Variants in PARD3 observed in about 807,000 individuals in gnomAD.
The protein encoded by PARD3 is partitioning defective 3 homolog.
In PARD3, 75 loss-of-function variants were observed where a neutral mutation model predicts 155.4. The ratio of observed to expected loss-of-function variants is 0.48; its 90% confidence interval spans 0.40 to 0.58. PARD3 has a LOEUF of 0.58. Ranked by LOEUF, PARD3 falls within the 20% of genes least tolerant of loss-of-function variation. The probability of loss-of-function intolerance (pLI) is 0.00; values close to 1 mark genes in which losing one functional copy is unlikely to be tolerated. For synonymous variants in PARD3, 576 were observed against 610.5 expected (o/e 0.94, Z 0.83); for missense variants, 1,642 against 1,721.7 (o/e 0.95, Z 0.82).
chr10:34,345,387 C>T, intron 15 of PARD3: 1 of 985,300 alleles, frequency 1.0e-6, no homozygotes, highest in African/African-American at 1.7e-5. Context: ...GAAAATTCAA[C>T]CTGTTAACAT....
chr10:34,325,849 G>C (rs1265949502), intron 19 of PARD3, among the ~76,000 whole-genome samples: 1 of 151,928 alleles, frequency 6.6e-6, no homozygotes, highest in Non-Finnish European at 1.5e-5. Flanking sequence ...GGGGCCTGGT[G>C]CGGTGGCTCA....
chr10:34,657,712 TA>T (rs1336237882), intron 2 of PARD3, among the ~76,000 whole-genome samples: 1 of 152,058 alleles, frequency 6.6e-6, no homozygotes, highest in Non-Finnish European at 1.5e-5. Context: ...CTAATTTTTG[TA>T]TTTTTAGTAG....
At chr10:34,307,461 G>C (rs568740984) in intron 20 of PARD3, among the ~76,000 whole-genome samples, 2 of 152,268 alleles carry the variant, frequency 1.3e-5, no homozygotes, top group East Asian at 1.9e-4. Context: ...GAATCCCCAG[G>C]GTTGTTAAGC....
intron 5 of PARD3, among the ~76,000 whole-genome samples, chr10:34,416,246 CAG>C (rs1369625727): frequency 1.3e-5 from 2 of 152,112 alleles, no homozygotes; most frequent in African/African-American, 4.8e-5. Context: ...AGGGAAGGAG[CAG>C]AGAGAGCCCC....
intron 20 of PARD3, among the ~76,000 whole-genome samples, chr10:34,285,779 G>C (rs1956358782): frequency 3.3e-5 from 5 of 152,194 alleles, no homozygotes; most frequent in Admixed American, 3.3e-4. Flanking sequence ...CACTATGTTT[G>C]AAAGGGGTCT....
chr10:34,637,078 T>C (rs1413371116), intron 2 of PARD3, among the ~76,000 whole-genome samples: 1 of 152,212 alleles, frequency 6.6e-6, no homozygotes, highest in Non-Finnish European at 1.5e-5. Context: ...AATTATACCC[T>C]ATTGCAAGGA....
intron 5 of PARD3, among the ~76,000 whole-genome samples, chr10:34,448,012 A>G (rs1219244403): frequency 6.6e-6 from 1 of 152,178 alleles, no homozygotes; most frequent in East Asian, 1.9e-4. Context: ...TAAAATCACT[A>G]TATCAAAGAC....
chr10:34,333,770 C>T (rs1306908786), intron 18 of PARD3, among the ~76,000 whole-genome samples: 1 of 151,958 alleles, frequency 6.6e-6, no homozygotes, highest in Non-Finnish European at 1.5e-5. Flanking sequence ...AAAATATTTA[C>T]CATCTGTTCC....
At position 34,224,853 on chromosome 10, in the gene PARD3, C is replaced by T. The variant is rs188016838; in HGVS notation, c.3419+44804G>A. 2.4e-4 allele frequency among the ~76,000 whole-genome samples: 36 copies of T among 152,266 alleles called. No individual in the cohort carries two copies. The East Asian group carries it at 6.6e-3, about 28-fold the overall frequency. On this transcript the variant is annotated intron_variant, in intron 22 of 24. Coordinates refer to ENST00000374788, the MANE Select transcript of PARD3 (RefSeq NM_001184785.2). ...TGTTCAAGTTCCATCAAATCAGTGTCCCTTTTTATATGTCTATCTCAAAAA... is the reference window on the plus strand; with the variant it reads ...TGTTCAAGTTCCATCAAATCAGTGTTCCTTTTTATATGTCTATCTCAAAAA...
intron 2 of PARD3, among the ~76,000 whole-genome samples, chr10:34,644,194 A>G (rs1000091610): frequency 6.6e-6 from 1 of 152,204 alleles, no homozygotes; most frequent in Non-Finnish European, 1.5e-5. Flanking sequence ...CTAGAGTCAA[A>G]TCTGCCAGCA....
intron 22 of PARD3, among the ~76,000 whole-genome samples, chr10:34,216,368 G>A (rs183954309): frequency 1.2e-3 from 182 of 152,332 alleles, no homozygotes; most frequent in African/African-American, 4.2e-3. Flanking sequence ...ATTTTAGACA[G>A]CAAATATGTT....
At chr10:34,721,509 T>C (rs2094605679) in intron 1 of PARD3, among the ~76,000 whole-genome samples, 1 of 152,156 alleles carries the variant, frequency 6.6e-6, no homozygotes, top group Admixed American at 6.5e-5. Context: ...GAAAAGGCAA[T>C]ACCCTGAGAG....
intron 2 of PARD3, among the ~76,000 whole-genome samples, chr10:34,629,344 C>T (rs1161076270): frequency 6.6e-6 from 1 of 152,268 alleles, no homozygotes; most frequent in East Asian, 1.9e-4. Flanking sequence ...TCTTTATAGC[C>T]CTTGACAAGA....
At chr10:34,546,955 C>T (rs898764543) in intron 2 of PARD3, among the ~76,000 whole-genome samples, 20 of 152,154 alleles carry the variant, frequency 1.3e-4, no homozygotes, top group Non-Finnish European at 2.5e-4. Context: ...ATTGTTTAGC[C>T]CATCAAACAC....
In PARD3 at chr10:34,332,550, T is replaced by C. The variant is rs1056322416; in HGVS notation, c.2606-1206A>G. On this transcript the variant is annotated intron_variant, in intron 18 of 24. Coordinates refer to ENST00000374788, the MANE Select transcript of PARD3 (RefSeq NM_001184785.2). Reference sequence around the variant, plus strand: ...GCTTTTCACAGCTCAGAAAATAAAATAGAATTAAAATTACACTGAAAGACT... The same window carrying C: ...GCTTTTCACAGCTCAGAAAATAAAACAGAATTAAAATTACACTGAAAGACT... Among the ~76,000 whole-genome samples, 6 of 152,226 alleles carry C rather than the reference T, an allele frequency of 3.9e-5. No individual in the cohort carries two copies. The East Asian group carries it at 5.8e-4, about 15-fold the overall frequency.
At chr10:34,368,801 T>C (rs967808683) in intron 12 of PARD3, among the ~76,000 whole-genome samples, 1 of 145,528 alleles carries the variant, frequency 6.9e-6, no homozygotes, top group Admixed American at 7.1e-5. Flanking sequence ...ACTAAACGCG[T>C]GTTCTAGGAA....
intron 1 of PARD3, among the ~76,000 whole-genome samples, chr10:34,700,381 A>G (rs1217454552): frequency 6.6e-6 from 1 of 152,266 alleles, no homozygotes; most frequent in East Asian, 1.9e-4. Flanking sequence ...ATGTGGTAAG[A>G]GAAAACAGTG....
chr10:34,372,392 C>T (rs925002835), intron 12 of PARD3, 106 bp downstream of exon 12: 7 of 876,344 alleles, frequency 8.0e-6, no homozygotes, highest in African/African-American at 5.0e-5. Flanking sequence ...TTAAATATTA[C>T]GAGCCAGGAA....
intron 1 of PARD3, among the ~76,000 whole-genome samples, chr10:34,790,768 C>T (rs1025037168): frequency 1.3e-5 from 2 of 152,064 alleles, no homozygotes; most frequent in Admixed American, 6.5e-5. Flanking sequence ...CTAAGTCATA[C>T]AAAAACTGAC....
Sources: gnomAD v4.1 joint callset for allele counts (sites outside exome capture counted in the v4.1 genomes callset) on GRCh38, gnomAD v4.1.1 for gene constraint, MANE v1.5 for transcripts, NCBI Gene and HGNC (gene_info 2026-07-23, HGNC 2026-07-21) for gene names.